Variants in RORB observed in about 807,000 individuals in gnomAD.
The protein encoded by RORB is nuclear receptor ROR-beta.
Under a neutral mutation model 59.1 loss-of-function variants are expected in RORB, and 6 were observed. The ratio of observed to expected loss-of-function variants is 0.10; its 90% CI spans 0.06 to 0.20. The LOEUF is 0.20. Among genes scored for constraint, RORB ranks in the 10% least tolerant of loss-of-function variants. The pLI is 1.00. For synonymous variants in RORB, 215 were observed against 204.5 expected (o/e 1.05, Z -0.44); for missense variants, 320 against 560.5 (o/e 0.57, Z 4.33).
At chr9:74,665,455 T>A in intron 6 of RORB, 33 bp from the exon 7 acceptor site, 1 of 1,348,854 alleles carries the variant, frequency 7.4e-7, no homozygotes, top group South Asian at 1.4e-5. Context: ...TGTGTATTTT[T>A]ATTTTATTTT....
At chr9:74,619,046 A>G (rs1415029663) in intron 1 of RORB, among the ~76,000 whole-genome samples, 3 of 152,180 alleles carry the variant, frequency 2.0e-5, no homozygotes, top group African/African-American at 7.2e-5. Flanking sequence ...TTAAGGCATG[A>G]TTGATAATTC....
At chr9:74,529,125 T>G (rs1826196761) in intron 1 of RORB, among the ~76,000 whole-genome samples, 1 of 152,000 alleles carries the variant, frequency 6.6e-6, no homozygotes, top group African/African-American at 2.4e-5. Context: ...TAAGAAAAAT[T>G]TCTCCTGCTA....
rs187597525 is a variant in RORB at position 74,505,996 on chromosome 9, A to T, written c.7+8013A>T. On this transcript the variant is annotated intron_variant, in intron 1 of 9. Coordinates refer to ENST00000376896, the MANE Select transcript of RORB (RefSeq NM_006914.4). The stretch of plus-strand genomic sequence containing the variant: ...TTTTAAAAAAAAAAAAGTATCACCA[A>T]GAAAAAGAAAACGTAAAAATACTTT... Among the ~76,000 whole-genome samples, 3 of 151,986 alleles carry T rather than the reference A, an allele frequency of 2.0e-5. No individual in the cohort carries two copies. In the East Asian group the frequency reaches 5.8e-4, roughly 29 times the overall value.
rs113301176 is a variant in RORB at position 74,545,099 on chromosome 9, G to GTTT, written c.7+47127_7+47129dup. ...TCCCTTCTATGTTCACTGCGAGCAG[G>GTTT]TTTTTTTTTTTTTGCGGCGCTTATT... is the stretch of plus-strand genomic sequence containing the variant. On this transcript the variant is annotated intron_variant, in intron 1 of 9. Coordinates refer to ENST00000376896, the MANE Select transcript of RORB (RefSeq NM_006914.4). Among the ~76,000 whole-genome samples the GTTT allele has an allele frequency of 6.4e-3, 923 of 143,846 alleles. 7 individuals are homozygous for GTTT. Among genetic ancestry groups the GTTT allele is most frequent in the Non-Finnish European group, 8.9e-3 (587 of 65,688 alleles). 94.4% of individuals were successfully genotyped at this position (143,846 alleles called of 152,430 possible).
chr9:74,563,798 G>T (rs894249709), intron 1 of RORB, among the ~76,000 whole-genome samples: 2 of 152,200 alleles, frequency 1.3e-5, no homozygotes, highest in South Asian at 2.1e-4. Context: ...GTGGGTTAGG[G>T]ACTGAGGAAA....
chr9:74,550,274 A>G (rs1252975665), intron 1 of RORB, among the ~76,000 whole-genome samples: 2 of 152,232 alleles, frequency 1.3e-5, no homozygotes, highest in East Asian at 3.9e-4. Flanking sequence ...ACTTGCAAAT[A>G]CCAATCTAGA....
chr9:74,644,210 T>C (rs1358457762), intron 4 of RORB, among the ~76,000 whole-genome samples: 1 of 152,186 alleles, frequency 6.6e-6, no homozygotes, highest in African/African-American at 2.4e-5. Flanking sequence ...ACCTGAAGCG[T>C]TATTTCTCCC....
intron 1 of RORB, among the ~76,000 whole-genome samples, chr9:74,621,829 T>G (rs1823424721): frequency 6.6e-6 from 1 of 152,218 alleles, no homozygotes; most frequent in African/African-American, 2.4e-5. Flanking sequence ...CATATGATAT[T>G]CAGCATCTTT....
chr9:74,647,967 C>T (rs541858216), intron 4 of RORB, among the ~76,000 whole-genome samples: 9 of 152,284 alleles, frequency 5.9e-5, no homozygotes, highest in African/African-American at 1.9e-4. Context: ...CTATTATGCA[C>T]ATCTAACTAC....
chr9:74,615,121 C>A (rs535485100), intron 1 of RORB, among the ~76,000 whole-genome samples: 2 of 152,202 alleles, frequency 1.3e-5, no homozygotes, highest in African/African-American at 4.8e-5. Flanking sequence ...ATGGTAATAC[C>A]TTGATGCGAT....
At chr9:74,610,501 C>T (rs2118355210) in intron 1 of RORB, among the ~76,000 whole-genome samples, 1 of 152,258 alleles carries the variant, frequency 6.6e-6, no homozygotes. Flanking sequence ...CAGGAATTAT[C>T]TCACTTTAAA....
chr9:74,642,632 T>A lies in RORB; in HGVS notation c.454T>A (p.Ser152Thr), dbSNP rs1168363417. 5.0e-6 allele frequency: 8 copies of A among 1,614,040 alleles called. No individual in the cohort carries two copies. The highest frequency in any genetic ancestry group is 4.2e-6 in the Non-Finnish European group (5 of 1,180,042). The change falls in exon 4 of 10, where the codon TCT (serine) becomes ACT (threonine). Residue 152 changes from serine to threonine, a missense_variant. By Grantham distance (58) the Ser-to-Thr change is moderately conservative (BLOSUM62 1). Coordinates refer to ENST00000376896, the MANE Select transcript of RORB (RefSeq NM_006914.4). ...ANGHVIDLPK[S>T]EGYYNVDSGQ... is the part of the protein sequence containing the mutation. ...CGGGCACGTCATTGACCTGCCCAAG[T>A]CTGAGGGTTATTACAACGTCGATTC...
chr9:74,617,946 A>T (rs1349132789), intron 1 of RORB, among the ~76,000 whole-genome samples: 1 of 152,198 alleles, frequency 6.6e-6, no homozygotes, highest in East Asian at 1.9e-4. Flanking sequence ...CTTTAATTCT[A>T]TAATTTCCTT....
intron 1 of RORB, among the ~76,000 whole-genome samples, chr9:74,572,774 A>G (rs1345947373): frequency 1.3e-5 from 2 of 152,278 alleles, no homozygotes; most frequent in Non-Finnish European, 2.9e-5. Context: ...ATTACTTTAT[A>G]TGTTTCCTCA....
At chr9:74,626,240 CAGATCACT>C (rs1823512751) in intron 1 of RORB, among the ~76,000 whole-genome samples, 1 of 152,004 alleles carries the variant, frequency 6.6e-6, no homozygotes, top group Non-Finnish European at 1.5e-5. Context: ...ATCTGCCTGC[CAGATCACT>C]AGATAGTAAA....
At chr9:74,659,616 G>C (rs1824148059) in intron 4 of RORB, among the ~76,000 whole-genome samples, 1 of 152,048 alleles carries the variant, frequency 6.6e-6, no homozygotes, top group Non-Finnish European at 1.5e-5. Flanking sequence ...TCAGCCTCCT[G>C]AGTAGCTGGG....
At chr9:74,666,001 G>T (rs1004303595) in intron 7 of RORB, among the ~76,000 whole-genome samples, 2 of 152,120 alleles carry the variant, frequency 1.3e-5, no homozygotes, top group Admixed American at 1.3e-4. Context: ...AATTAGCTGG[G>T]CATCACCAGG....
intron 1 of RORB, among the ~76,000 whole-genome samples, chr9:74,581,108 C>T (rs1346624013): frequency 6.6e-6 from 1 of 152,064 alleles, no homozygotes; most frequent in Non-Finnish European, 1.5e-5. Flanking sequence ...CTCTGTGTCC[C>T]TAAGTTGAAA....
intron 4 of RORB, among the ~76,000 whole-genome samples, chr9:74,650,576 T>A (rs75416992): frequency 1.3e-5 from 2 of 152,294 alleles, no homozygotes; most frequent in Middle Eastern, 3.4e-3. Flanking sequence ...ACAATTTTTG[T>A]TTTATTTTAT....
Sources: allele counts gnomAD v4.1 joint callset (sites outside exome capture counted in the v4.1 genomes callset), GRCh38; gene constraint gnomAD v4.1.1; transcripts MANE v1.5; gene names NCBI Gene and HGNC (gene_info 2026-07-23, HGNC 2026-07-21).